PKD1L3: variants seen among roughly 807,000 people sequenced by gnomAD.
The protein encoded by PKD1L3 is polycystin-1-like protein 3.
Under a neutral mutation model 184.1 loss-of-function variants are expected in PKD1L3, and 239 were observed. That is an observed-to-expected ratio of 1.30 (90% CI 1.17 to 1.45). The LOEUF (loss-of-function observed/expected upper bound fraction) is 1.45. Ranked by LOEUF, PKD1L3 falls within the 40% of genes most tolerant of loss-of-function variation. The pLI, the probability that PKD1L3 is intolerant of heterozygous loss-of-function variation, is 0.00. For missense variants in PKD1L3, 2,660 were observed against 2,067.2 expected (o/e 1.29, Z -5.56); for synonymous variants, 996 against 778.8 (o/e 1.28, Z -4.64).
At chr16:71,941,172 C>A (rs1464487255) in intron 24 of PKD1L3, among the ~76,000 whole-genome samples, 2 of 151,946 alleles carry the variant, frequency 1.3e-5, no homozygotes, top group Non-Finnish European at 2.9e-5. Flanking sequence ...GGCACTTGAA[C>A]CTCTAATGCT....
At chr16:71,994,189 G>A (rs1277745802) in intron 2 of PKD1L3, among the ~76,000 whole-genome samples, 2 of 152,098 alleles carry the variant, frequency 1.3e-5, no homozygotes, top group Non-Finnish European at 1.5e-5. Context: ...GCTTAAATTC[G>A]CTATCGTGAA....
At chr16:71,947,032 G>A (rs1372182817) in intron 22 of PKD1L3, among the ~76,000 whole-genome samples, 1 of 151,784 alleles carries the variant, frequency 6.6e-6, no homozygotes, top group Non-Finnish European at 1.5e-5. Flanking sequence ...GAGGAGAGTG[G>A]ATCACCTGAG....
intron 22 of PKD1L3, among the ~76,000 whole-genome samples, 163 bp from the exon 23 acceptor site, chr16:71,944,333 T>C (rs1225276621): frequency 6.6e-6 from 1 of 152,194 alleles, no homozygotes; most frequent in African/African-American, 2.4e-5. Context: ...AGGACCTGTT[T>C]TTTAAAAAAT....
intron 2 of PKD1L3, among the ~76,000 whole-genome samples, chr16:71,993,613 A>G (rs1028503610): frequency 1.3e-5 from 2 of 152,152 alleles, no homozygotes; most frequent in Admixed American, 6.6e-5. Context: ...AGGCATGTGG[A>G]GTTATTTACA....
chr16:71,985,872 T>G (rs1272043589), intron 5 of PKD1L3, among the ~76,000 whole-genome samples: 1 of 152,120 alleles, frequency 6.6e-6, no homozygotes, highest in African/African-American at 2.4e-5. Context: ...GGCTGCCTTG[T>G]CCATGTTTTT....
At chr16:71,930,218 C>T (rs1476455744) in intron 28 of PKD1L3, 35 bp from the exon 29 acceptor site, 1 of 1,516,090 alleles carries the variant, frequency 6.6e-7, no homozygotes, top group Admixed American at 2.3e-5. Context: ...CAGTGACTGA[C>T]AATTTAGTTT....
chr16:71,951,534 G>T lies in PKD1L3; in HGVS notation c.3190+30C>A. 2.6e-6 allele frequency: 4 copies of T among 1,529,908 alleles called. No homozygotes were observed. The South Asian group carries it at 3.7e-5, about 14-fold the overall frequency. 94.8% of individuals were successfully genotyped at this position (1,529,908 alleles called of 1,614,324 possible). A position where few individuals can be genotyped will look rare whatever the true frequency, so the allele number is the denominator to read the frequency against. ...GCAAGGGAGTGGGAGGCAGATGGAA[G>T]ATTCGTTACTGAAATCTACTGAAGT... On this transcript the variant is annotated intron_variant, in intron 19 of 29. Transcript: ENST00000620267.
intron 24 of PKD1L3, 83 bp downstream of exon 24, chr16:71,942,477 A>G (rs2038394316): frequency 8.1e-7 from 1 of 1,229,454 alleles, no homozygotes; most frequent in African/African-American, 1.5e-5. Flanking sequence ...GTTACCTTCA[A>G]TGAAACCACA....
Position 71,947,488 on chromosome 16 carries a change from T to A in PKD1L3, c.3718+4A>T. 1 of 1,518,612 alleles carries A rather than the reference T, an allele frequency of 6.6e-7. No individual in the cohort carries two copies. The highest frequency in any genetic ancestry group is 8.9e-7 in the Non-Finnish European group (1 of 1,118,742). 94.1% of individuals were successfully genotyped at this position (1,518,612 alleles called of 1,614,324 possible). A position where few individuals can be genotyped will look rare whatever the true frequency, so the allele number is the denominator to read the frequency against. On this transcript the variant is annotated splice_donor_region_variant and intron_variant, in intron 22 of 29. Coordinates refer to ENST00000620267, the MANE Select transcript of PKD1L3 (RefSeq NM_181536.2). Reference sequence around the variant, plus strand: ...TAGGTAGTTGTTAGAACTACTTGAGTTACCCAAGAGTGCCAAGATCCTCTT... The same window carrying A: ...TAGGTAGTTGTTAGAACTACTTGAGATACCCAAGAGTGCCAAGATCCTCTT...
At position 71,941,228 on chromosome 16, in the gene PKD1L3, A is replaced by T. The variant is rs1348475867; in HGVS notation, c.4324+1332T>A. Among the ~76,000 whole-genome samples, 12 of 151,510 alleles carry T rather than the reference A, an allele frequency of 7.9e-5. No homozygotes were observed. In the East Asian group the frequency reaches 2.3e-3, roughly 29 times the overall value. ...AACAACAAATCAAAAAACTAGAGAC[A>T]GTAAAGGATCAGAAGGAAAAAAACC... On this transcript the variant is annotated intron_variant, in intron 24 of 29. Coordinates refer to ENST00000620267, the MANE Select transcript of PKD1L3 (RefSeq NM_181536.2).
chr16:71,983,908 C>T, intron 6 of PKD1L3, 128 bp downstream of exon 6: 1 of 1,284,702 alleles, frequency 7.8e-7, no homozygotes, highest in Non-Finnish European at 1.0e-6. Context: ...TGTGATCCGC[C>T]CGCCTCGGCC....
In PKD1L3 at chr16:71,963,184, A is replaced by T. The variant is rs1253215211; in HGVS notation, c.2612+21T>A. On this transcript the variant is annotated intron_variant, in intron 16 of 29. Coordinates refer to ENST00000620267, the MANE Select transcript of PKD1L3 (RefSeq NM_181536.2). ...TAGTGAACATCAATATTCACTGTTAATAGTAATTTTCCAACAGTACCTAAA... is the reference window on the plus strand; with the variant it reads ...TAGTGAACATCAATATTCACTGTTATTAGTAATTTTCCAACAGTACCTAAA... 15 of 1,534,084 alleles carry T rather than the reference A, an allele frequency of 9.8e-6. No individual in the cohort carries two copies. The Admixed American group carries it at 2.7e-4, about 28-fold the overall frequency.
intron 10 of PKD1L3, among the ~76,000 whole-genome samples, chr16:71,977,772 C>G (rs892936630): frequency 6.6e-6 from 1 of 151,558 alleles, no homozygotes; most frequent in Non-Finnish European, 1.5e-5. Context: ...ACCTATAACA[C>G]TTCTTATTCT....
intron 28 of PKD1L3, among the ~76,000 whole-genome samples, chr16:71,931,876 G>A (rs185550157): frequency 2.0e-5 from 3 of 152,092 alleles, no homozygotes; most frequent in African/African-American, 7.2e-5. Flanking sequence ...GAACTGCTAC[G>A]TAAAATAGTT....
intron 28 of PKD1L3, chr16:71,930,969 G>T (rs374614763): frequency 7.2e-5 from 11 of 152,256 alleles, no homozygotes; most frequent in African/African-American, 2.6e-4. Context: ...ACTTAAAAAT[G>T]ATTATTATAA....
chr16:71,963,382 G>A, intron 15 of PKD1L3, 31 bp from the exon 16 acceptor site: 1 of 1,522,338 alleles, frequency 6.6e-7, no homozygotes, highest in Non-Finnish European at 8.9e-7. Flanking sequence ...CCACATTAGG[G>A]AGATGGGCTT....
At chr16:71,946,631 A>T (rs955250679) in intron 22 of PKD1L3, among the ~76,000 whole-genome samples, 5 of 151,292 alleles carry the variant, frequency 3.3e-5, no homozygotes, top group Admixed American at 6.6e-5. Context: ...CTAACAGAGG[A>T]ATTTAGGATT....
intron 9 of PKD1L3, 109 bp from the exon 10 acceptor site, chr16:71,978,492 TG>T: frequency 1.7e-5 from 2 of 120,016 alleles, no homozygotes; most frequent in Non-Finnish European, 2.5e-5. Flanking sequence ...TGTGTGTGTG[TG>T]TGTATATATA....
intron 16 of PKD1L3, among the ~76,000 whole-genome samples, chr16:71,960,460 A>T (rs2039233971): frequency 6.6e-6 from 1 of 152,180 alleles, no homozygotes. Context: ...AAATAATATC[A>T]GTATGTCAAC....
Sources: allele counts gnomAD v4.1 joint callset (sites outside exome capture counted in the v4.1 genomes callset), GRCh38; gene constraint gnomAD v4.1.1; transcripts MANE v1.5; gene names NCBI Gene and HGNC (gene_info 2026-07-23, HGNC 2026-07-21).